Variants in WWOX observed in about 807,000 individuals in gnomAD.
The protein encoded by WWOX is WW domain-containing oxidoreductase.
Under a neutral mutation model 46.2 loss-of-function variants are expected in WWOX, and 69 were observed. That is an observed-to-expected ratio of 1.49 (90% CI 1.23 to 1.82). The LOEUF (loss-of-function observed/expected upper bound fraction) is 1.82, where lower values mean the gene tolerates loss of function less well. WWOX is among the 40% of genes most tolerant of loss of function. WWOX has a pLI of 0.00. For synonymous variants in WWOX, 359 were observed against 202.6 expected (o/e 1.77, Z -6.56); for missense variants, 919 against 542.6 (o/e 1.69, Z -6.89).
chr16:78,794,099 G>A (rs117810819), intron 8 of WWOX, among the ~76,000 whole-genome samples: 6,899 of 152,160 alleles, frequency 0.045, 204 homozygotes, highest in Middle Eastern at 0.11. Context: ...GGTCTTTTGG[G>A]AGATGATTTG....
intron 8 of WWOX, among the ~76,000 whole-genome samples, chr16:79,020,394 TG>T (rs2047509991): frequency 1.3e-5 from 2 of 152,168 alleles, no homozygotes; most frequent in South Asian, 4.1e-4. Context: ...CTATAATAGC[TG>T]TATCACCATG....
At chr16:78,804,331 C>G (rs369244860) in intron 8 of WWOX, among the ~76,000 whole-genome samples, 1 of 151,742 alleles carries the variant, frequency 6.6e-6, no homozygotes, top group African/African-American at 2.4e-5. Context: ...TCATTACAAG[C>G]TGTTTAGACT....
intron 5 of WWOX, among the ~76,000 whole-genome samples, chr16:78,329,599 A>C (rs538672099): frequency 3.2e-4 from 49 of 152,330 alleles, no homozygotes; most frequent in African/African-American, 1.1e-3. Flanking sequence ...TCCCCAGTGC[A>C]ACCTATGTAA....
chr16:79,069,667 C>G (rs1188027012), intron 8 of WWOX, among the ~76,000 whole-genome samples: 1 of 151,254 alleles, frequency 6.6e-6, no homozygotes, highest in East Asian at 1.9e-4. Context: ...AAGAAAACAT[C>G]TAAATGTCAG....
chr16:79,116,824 ATTTAC>A lies in WWOX; in HGVS notation c.1057-94781_1057-94777del, dbSNP rs1356743797. Among the ~76,000 whole-genome samples, 6 of 151,876 alleles carry A rather than the reference ATTTAC, an allele frequency of 4.0e-5. No individual in the cohort carries two copies. The East Asian group carries it at 1.2e-3, about 29-fold the overall frequency. ...CTGAATCCTTTCTAGAAGATTTTCA[ATTTAC>A]TTAGCCCAGATCCATCAGAAGAATA... On this transcript the variant is annotated intron_variant, in intron 8 of 8. Coordinates refer to ENST00000566780, the MANE Select transcript of WWOX (RefSeq NM_016373.4).
At chr16:78,360,454 GCACACCT>G (rs2081384968) in intron 5 of WWOX, among the ~76,000 whole-genome samples, 1 of 151,786 alleles carries the variant, frequency 6.6e-6, no homozygotes, top group African/African-American at 2.4e-5. Context: ...GCATGGCAGC[GCACACCT>G]GTAATCCCAG....
At chr16:78,733,642 C>G (rs189060437) in intron 8 of WWOX, among the ~76,000 whole-genome samples, 257 of 151,756 alleles carry the variant, frequency 1.7e-3, no homozygotes, top group African/African-American at 5.8e-3. Context: ...GTAGTTCCAG[C>G]TACTCGGTAG....
At chr16:78,981,160 C>G (rs1194319873) in intron 8 of WWOX, among the ~76,000 whole-genome samples, 2 of 152,208 alleles carry the variant, frequency 1.3e-5, no homozygotes, top group Non-Finnish European at 2.9e-5. Context: ...TACTGCAGCA[C>G]TTTCCTAAAC....
At chr16:78,989,056 C>T (rs558959663) in intron 8 of WWOX, among the ~76,000 whole-genome samples, 1 of 152,240 alleles carries the variant, frequency 6.6e-6, no homozygotes, top group Non-Finnish European at 1.5e-5. Context: ...CAGAGTAAGC[C>T]ATTTAACTTG....
chr16:78,529,422 G>T (rs190044645), intron 8 of WWOX, among the ~76,000 whole-genome samples: 4 of 152,118 alleles, frequency 2.6e-5, no homozygotes, highest in Admixed American at 6.5e-5. Context: ...TTTTCTTTCT[G>T]TCGGGTCCCG....
At chr16:79,173,151 G>T (rs960929710) in intron 8 of WWOX, among the ~76,000 whole-genome samples, 4 of 152,146 alleles carry the variant, frequency 2.6e-5, no homozygotes, top group African/African-American at 7.2e-5. Flanking sequence ...GTGTGCCCAT[G>T]TCTCTGGGCC....
At chr16:78,182,132 T>G (rs970812250) in intron 5 of WWOX, among the ~76,000 whole-genome samples, 1 of 152,222 alleles carries the variant, frequency 6.6e-6, no homozygotes, top group Non-Finnish European at 1.5e-5. Flanking sequence ...CCATGTGACC[T>G]TCACTTGTTC....
chr16:78,882,996 C>T (rs1052463989), intron 8 of WWOX, among the ~76,000 whole-genome samples: 4 of 152,126 alleles, frequency 2.6e-5, no homozygotes. Flanking sequence ...GTTTCTTTGG[C>T]TGCTCCCGAC....
At chr16:78,295,015 G>C (rs889804876) in intron 5 of WWOX, among the ~76,000 whole-genome samples, 6 of 152,258 alleles carry the variant, frequency 3.9e-5, no homozygotes, top group South Asian at 4.1e-4. Flanking sequence ...TCAGAAGTCT[G>C]GGTTGTCCCC....
chr16:79,134,054 A>G (rs568186379), intron 8 of WWOX, among the ~76,000 whole-genome samples: 113 of 152,136 alleles, frequency 7.4e-4, no homozygotes, highest in Non-Finnish European at 1.5e-3. Flanking sequence ...TGCTATGGCC[A>G]TAGAGGTTTG....
intron 8 of WWOX, among the ~76,000 whole-genome samples, chr16:78,856,532 A>G (rs2052570741): frequency 6.6e-6 from 1 of 152,122 alleles, no homozygotes; most frequent in African/African-American, 2.4e-5. Flanking sequence ...AATAGCAGCT[A>G]CTCAGGAGTC....
chr16:78,914,288 A>G lies in WWOX; in HGVS notation c.1057-297320A>G, dbSNP rs146152892. On this transcript the variant is annotated intron_variant, in intron 8 of 8. Coordinates refer to ENST00000566780, the MANE Select transcript of WWOX (RefSeq NM_016373.4). ...TAGTATTGCCTTCCCATGAACTATT[A>G]GCTGCCAGAGAGCAGGGACCTCATC... Among the ~76,000 whole-genome samples, 34 of 152,160 alleles carry G rather than the reference A, an allele frequency of 2.2e-4. 1 individual carries two copies. The highest frequency in any genetic ancestry group is 4.6e-4 in the Admixed American group (7 of 15,274).
chr16:78,539,246 G>C (rs1424247495), intron 8 of WWOX, among the ~76,000 whole-genome samples: 2 of 152,224 alleles, frequency 1.3e-5, no homozygotes, highest in Non-Finnish European at 2.9e-5. Context: ...TTAGTAATTA[G>C]ATGCACAGAC....
chr16:78,707,643 G>T (rs1053118174), intron 8 of WWOX, among the ~76,000 whole-genome samples: 1 of 152,092 alleles, frequency 6.6e-6, no homozygotes, highest in Non-Finnish European at 1.5e-5. Context: ...AGGGCTTTGG[G>T]AGACTAAGGC....
Sources: allele counts gnomAD v4.1 joint callset (sites outside exome capture counted in the v4.1 genomes callset), GRCh38; gene constraint gnomAD v4.1.1; transcripts MANE v1.5; gene names NCBI Gene and HGNC (gene_info 2026-07-23, HGNC 2026-07-21).